Variants in AMPD3 observed in about 807,000 individuals in gnomAD.
AMPD3 encodes the protein AMP deaminase 3.
Under a neutral mutation model 82.3 loss-of-function variants are expected in AMPD3, and 57 were observed. The observed-to-expected ratio is 0.69, with a 90% confidence interval of 0.56 to 0.86. AMPD3 has a LOEUF of 0.86. Ranked by LOEUF, AMPD3 falls within the 40% of genes least tolerant of loss-of-function variation. The probability of loss-of-function intolerance (pLI) is 0.00; values close to 1 mark genes in which losing one functional copy is unlikely to be tolerated. For missense variants in AMPD3, 870 were observed against 1,003.8 expected (o/e 0.87, Z 1.80); for synonymous variants, 381 against 394.7 (o/e 0.97, Z 0.41).
rs576579367 is a variant in AMPD3 at position 10,495,504 on chromosome 11, C to T, written c.1267-66C>T. On this transcript the variant is annotated intron_variant, in intron 8 of 14. Transcript: ENST00000396553. The stretch of plus-strand genomic sequence containing the variant: ...GGGAGCAACAGGACCCTGCTGGTGA[C>T]GGAGAGTGAGAGTCTCCCATGTAGC... 1.8e-4 allele frequency: 285 copies of T among 1,610,344 alleles called. 3 individuals carry two copies. The South Asian group carries it at 2.0e-3, about 11-fold the overall frequency.
At chr11:10,493,282 G>T in intron 6 of AMPD3, 67 bp from the exon 7 acceptor site, 2 of 1,578,736 alleles carry the variant, frequency 1.3e-6, no homozygotes, top group Non-Finnish European at 1.7e-6. Context: ...ATTGAGGGTT[G>T]GATGTCTTAA....
chr11:10,477,905 A>G, intron 2 of AMPD3: 2 of 985,398 alleles, frequency 2.0e-6, no homozygotes, highest in Non-Finnish European at 2.4e-6. Flanking sequence ...GGGGCCTATG[A>G]TGCCTGTAAG....
Position 10,506,354 on chromosome 11 carries a change from A to G in AMPD3, c.*470A>G, listed in dbSNP as rs982717052. Reference sequence around the variant, plus strand: ...TTTCATAAAGGGGCTACTTTGAAGGAGTTAAGATGGAAGACTTCCTTCTTG... The same window carrying G: ...TTTCATAAAGGGGCTACTTTGAAGGGGTTAAGATGGAAGACTTCCTTCTTG... On this transcript the variant is annotated 3_prime_UTR_variant, in exon 15 of 15. Coordinates refer to ENST00000396553, the MANE Select transcript of AMPD3 (RefSeq NM_001025389.2). The surrounding 1 kb of genome is among the most constrained non-coding windows in gnomAD (Gnocchi z 4.1). 2 of 186,268 alleles carry G rather than the reference A, an allele frequency of 1.1e-5. No individual in the cohort carries two copies. Among genetic ancestry groups the G allele is most frequent in the Admixed American group, 1.1e-4 (2 of 18,270 alleles). The allele number at this position is 186,268 out of a possible 1,614,324, so 11.5% of individuals were successfully genotyped here.
At chr11:10,497,025 C>T (rs1849424854) in intron 10 of AMPD3, 87 bp downstream of exon 10, 1 of 1,523,824 alleles carries the variant, frequency 6.6e-7, no homozygotes, top group Admixed American at 1.7e-5. Flanking sequence ...TTGCTCCTGC[C>T]CTTCACGATG....
intron 2 of AMPD3, among the ~76,000 whole-genome samples, chr11:10,474,269 C>T (rs1300643247): frequency 6.6e-6 from 1 of 152,170 alleles, no homozygotes; most frequent in African/African-American, 2.4e-5. Context: ...ACGTGTGGCC[C>T]CCAGCTCATA....
intron 12 of AMPD3, 197 bp from the exon 13 acceptor site, chr11:10,502,524 G>A (rs1849607530): frequency 9.1e-6 from 9 of 985,350 alleles, no homozygotes; most frequent in Non-Finnish European, 8.4e-6. Flanking sequence ...TGCAATGTAG[G>A]AATGAGATGA....
intron 2 of AMPD3, among the ~76,000 whole-genome samples, chr11:10,476,470 T>C (rs1334971680): frequency 7.3e-6 from 1 of 137,714 alleles, no homozygotes; most frequent in African/African-American, 2.6e-5. Context: ...GTAGTGTTTT[T>C]TTTTTTGTGT....
rs1848484971 is a variant in AMPD3 at position 10,468,376 on chromosome 11, C to T, written c.221+6636C>T. ...AAAAAGCAGAAGTTGCAAGTTTAACCTCTGATAAAACAGACTTTAAACCAA... is the reference window on the plus strand; with the variant it reads ...AAAAAGCAGAAGTTGCAAGTTTAACTTCTGATAAAACAGACTTTAAACCAA... On this transcript the variant is annotated intron_variant, in intron 2 of 14. Transcript: ENST00000396553. Among the ~76,000 whole-genome samples the T allele has an allele frequency of 2.0e-5, 3 of 151,516 alleles. No homozygotes were observed. The South Asian group carries it at 6.2e-4, about 31-fold the overall frequency.
chr11:10,450,979 C>T, upstream of AMPD3: 1 of 1,555,392 alleles, frequency 6.4e-7, no homozygotes, highest in South Asian at 1.2e-5. Context: ...CCCAGCGCGT[C>T]CCCTTTGCTC....
In AMPD3 at chr11:10,496,900, C is replaced by T; in HGVS notation, c.1519C>T (p.Pro507Ser). 9 of 1,614,090 alleles carry T rather than the reference C, an allele frequency of 5.6e-6. No homozygotes were observed. The highest frequency in any genetic ancestry group is 7.6e-6 in the Non-Finnish European group (9 of 1,179,978). Residue 507 changes from proline (P) to serine (S), a missense_variant, in exon 10 of 15, where the codon CCC becomes TCC. Pro to Ser is a moderately conservative substitution (Grantham distance 74). Transcript: ENST00000396553. ...FLPLFKATINPQDHRELHLFL... is the reference protein window; with the variant it reads ...FLPLFKATINSQDHRELHLFL... ...GCCCCTTTTCAAGGCCACTATCAAC[C>T]CCCAAGATCATCGAGAGCTTCACCT...
intron 6 of AMPD3, among the ~76,000 whole-genome samples, chr11:10,489,805 C>T (rs12292471): frequency 0.3 from 46,008 of 151,944 alleles, 7,295 homozygotes; most frequent in Non-Finnish European, 0.34. Context: ...CTCAGCCTCC[C>T]GAGTAGCTGG....
intron 2 of AMPD3, among the ~76,000 whole-genome samples, chr11:10,468,887 T>C (rs1266116883): frequency 6.6e-6 from 1 of 152,200 alleles, no homozygotes; most frequent in African/African-American, 2.4e-5. Context: ...TGCTCCTGAA[T>C]GACTACTGGG....
chr11:10,461,792 C>A, intron 2 of AMPD3, 52 bp downstream of exon 2: 4 of 1,532,824 alleles, frequency 2.6e-6, no homozygotes, highest in Non-Finnish European at 3.5e-6. Flanking sequence ...CAGACCCAGG[C>A]AGGCTGTGGG....
Position 10,496,955 on chromosome 11 carries a change from C to T in AMPD3, c.1557+17C>T, listed in dbSNP as rs767202709. ...CTTAAATATGTAAGTGTGGGTGGTG[C>T]CCTAGGCAGGGCTCATAGCGGCAGA... On this transcript the variant is annotated intron_variant, in intron 10 of 14. Transcript: ENST00000396553. 5 of 1,613,708 alleles carry T rather than the reference C, an allele frequency of 3.1e-6. No individual in the cohort carries two copies. Among genetic ancestry groups the T allele is most frequent in the Middle Eastern group, 1.7e-4 (1 of 6,056 alleles).
chr11:10,492,082 G>A (rs915998135), intron 6 of AMPD3, among the ~76,000 whole-genome samples: 2 of 152,130 alleles, frequency 1.3e-5, no homozygotes, highest in African/African-American at 2.4e-5. Flanking sequence ...AAAAGGAGAG[G>A]ACAGAGATGC....
chr11:10,487,563 A>C (rs1250023681), intron 6 of AMPD3, among the ~76,000 whole-genome samples, 199 bp downstream of exon 6: 1 of 152,232 alleles, frequency 6.6e-6, no homozygotes, highest in African/African-American at 2.4e-5. Flanking sequence ...GCTGGGCCTC[A>C]GACAGCACTT....
Position 10,500,373 on chromosome 11 carries a change from T to C in AMPD3, c.1721+124T>C, listed in dbSNP as rs144037451. ...GTGTGCACCTGAACCAACATGCATGTCCATGTGCCCACACACCTCAAAACA... is the reference window on the plus strand; with the variant it reads ...GTGTGCACCTGAACCAACATGCATGCCCATGTGCCCACACACCTCAAAACA... On this transcript the variant is annotated intron_variant, in intron 11 of 14. Transcript: ENST00000396553. 3.3e-3 allele frequency: 4,361 copies of C among 1,326,936 alleles called. 32 individuals are homozygous for C. Among genetic ancestry groups the C allele is most frequent in the Non-Finnish European group, 2.8e-3 (2,642 of 944,480 alleles). 82.2% of individuals were successfully genotyped at this position (1,326,936 alleles called of 1,614,324 possible). A position where few individuals can be genotyped will look rare whatever the true frequency, so the allele number is the denominator to read the frequency against.
rs368499975 is a variant in AMPD3 at position 10,496,807 on chromosome 11, C to A, written c.1431-5C>A. ...CCTGACAAGCGAGTCTTTGCTGTCCCCCAGTGACATATTTAGGTCAAAGAA... is the reference window on the plus strand; with the variant it reads ...CCTGACAAGCGAGTCTTTGCTGTCCACCAGTGACATATTTAGGTCAAAGAA... On this transcript the variant is annotated splice_polypyrimidine_tract_variant and splice_region_variant and intron_variant, in intron 9 of 14. Transcript: ENST00000396553. 6.2e-7 allele frequency: 1 copy of A among 1,614,116 alleles called. No individual in the cohort carries two copies. Among genetic ancestry groups the A allele is most frequent in the South Asian group, 1.1e-5 (1 of 91,076 alleles).
rs540883583 is a variant in AMPD3 at position 10,494,890 on chromosome 11, C to T, written c.1135-9C>T. On this transcript the variant is annotated splice_polypyrimidine_tract_variant and intron_variant, in intron 7 of 14. Coordinates refer to ENST00000396553, the MANE Select transcript of AMPD3 (RefSeq NM_001025389.2). ...ACGATGCGTTGATTGGTGTGGTCTCCCCCCTCAGGGCCGGCAGACATTCCA... is the reference window on the plus strand; with the variant it reads ...ACGATGCGTTGATTGGTGTGGTCTCTCCCCTCAGGGCCGGCAGACATTCCA... The T allele has an allele frequency of 1.1e-5, 18 of 1,613,256 alleles. No homozygotes were observed. The East Asian group carries it at 3.8e-4, about 34-fold the overall frequency.
Sources: gnomAD v4.1 joint callset for allele counts (sites outside exome capture counted in the v4.1 genomes callset) on GRCh38, gnomAD v4.1.1 for gene constraint, Gnocchi (gnomAD v3.1) non-coding constraint, MANE v1.5 for transcripts, NCBI Gene and HGNC (gene_info 2026-07-23, HGNC 2026-07-21) for gene names.